The following PPP1R13B variants were observed in gnomAD, a reference collection of about 807,000 sequenced individuals.
PPP1R13B encodes the protein apoptosis-stimulating of p53 protein 1.
In PPP1R13B, 44 loss-of-function variants were observed where a neutral mutation model predicts 119.8. The ratio of observed to expected loss-of-function variants is 0.37; its 90% CI spans 0.29 to 0.47. The LOEUF is 0.47. Among genes scored for constraint, PPP1R13B ranks in the 20% least tolerant of loss-of-function variants. PPP1R13B has a pLI of 0.99. For synonymous variants in PPP1R13B, 542 were observed against 561.5 expected, an observed-to-expected ratio of 0.97 and a Z score of 0.49; for missense variants, 1,227 against 1,413.5, an observed-to-expected ratio of 0.87 and a Z score of 2.12.
chr14:103,734,053 A>ATACTT lies in PPP1R13B; in HGVS notation c.*1096_*1100dup, dbSNP rs1460664885. The ATACTT allele has an allele frequency of 1.9e-5, 3 of 162,008 alleles. No individual in the cohort carries two copies. Among genetic ancestry groups the ATACTT allele is most frequent in the African/African-American group, 7.2e-5 (3 of 41,736 alleles). 10.0% of individuals were successfully genotyped at this position (162,008 alleles called of 1,614,324 possible). A position where few individuals can be genotyped will look rare whatever the true frequency, so the allele number is the denominator to read the frequency against. Reference sequence around the variant, plus strand: ...TAGCTTTGAATGGTCTAGTCAAAAAATACTTTTGGTATATAAAAAGCCTGT... The same window carrying ATACTT: ...TAGCTTTGAATGGTCTAGTCAAAAAATACTTTACTTTTGGTATATAAAAAGCCTGT... On this transcript the variant is annotated 3_prime_UTR_variant, in exon 17 of 17. Transcript: ENST00000202556.
chr14:103,779,713 G>C (rs2085294454), intron 3 of PPP1R13B, among the ~76,000 whole-genome samples: 1 of 152,144 alleles, frequency 6.6e-6, no homozygotes, highest in African/African-American at 2.4e-5. Context: ...CTTGAGCCTA[G>C]GAGGTAGAGA....
chr14:103,745,643 T>C (rs2084367049), intron 9 of PPP1R13B, among the ~76,000 whole-genome samples: 1 of 152,160 alleles, frequency 6.6e-6, no homozygotes, highest in African/African-American at 2.4e-5. Flanking sequence ...ACCAACGATG[T>C]GTGGACTTTG....
At chr14:103,798,204 T>C (rs972443439) in intron 1 of PPP1R13B, among the ~76,000 whole-genome samples, 1 of 144,044 alleles carries the variant, frequency 6.9e-6, no homozygotes, top group Non-Finnish European at 1.5e-5. Flanking sequence ...CAGGCTGGAG[T>C]GCAGTGGCGC....
chr14:103,820,196 C>G (rs1475116814), intron 1 of PPP1R13B, among the ~76,000 whole-genome samples: 3 of 152,138 alleles, frequency 2.0e-5, no homozygotes, highest in African/African-American at 7.2e-5. Context: ...CGGACAACGC[C>G]CCTCCCTTCT....
In PPP1R13B at chr14:103,735,154, T is replaced by C; in HGVS notation, c.3273A>G (p.Ter1091TrpextTer17). 2.5e-6 allele frequency: 4 copies of C among 1,614,114 alleles called. No individual in the cohort carries two copies. Among genetic ancestry groups the C allele is most frequent in the Non-Finnish European group, 3.4e-6 (4 of 1,180,014 alleles). The change falls in exon 17 of 17, where the codon TGA becomes TGG. Residue 1091 changes from the stop codon to tryptophan, a stop_lost. Transcript: ENST00000202556. ...ACCATGCGGTGCTCCAAAAGGAAGT[T>C]CAGGCGAGTGTTCGCTGTCGGGGTT... Reference protein sequence around the residue: ...RIKPRQRTLA* With the variant: ...RIKPRQRTLAW
chr14:103,795,852 T>G (rs2085745688), intron 2 of PPP1R13B, among the ~76,000 whole-genome samples: 2 of 152,226 alleles, frequency 1.3e-5, no homozygotes. Flanking sequence ...CCATGTATCC[T>G]TAAAATTCTT....
At chr14:103,848,239 A>C, upstream of PPP1R13B, 6 of 984,554 alleles carry the variant, frequency 6.1e-6, no homozygotes, top group Non-Finnish European at 6.0e-6. Flanking sequence ...TCCCGCCTAG[A>C]ACCCCGCGCC....
chr14:103,801,479 T>C (rs999849753), intron 1 of PPP1R13B, among the ~76,000 whole-genome samples: 7 of 152,106 alleles, frequency 4.6e-5, no homozygotes, highest in Non-Finnish European at 4.4e-5. Flanking sequence ...CAAGTACCCT[T>C]CCTGTTTGCC....
chr14:103,809,162 T>C (rs559652103), intron 1 of PPP1R13B, among the ~76,000 whole-genome samples: 149 of 152,294 alleles, frequency 9.8e-4, no homozygotes, highest in African/African-American at 3.4e-3. Flanking sequence ...AGCCTAGACA[T>C]ATTTAAATAT....
chr14:103,792,185 T>TGTGTGTGTGTGC (rs2085639038), intron 2 of PPP1R13B, among the ~76,000 whole-genome samples: 1 of 135,644 alleles, frequency 7.4e-6, no homozygotes, highest in South Asian at 2.3e-4. Context: ...TGTGTGTGTG[T>TGTGTGTGTGTGC]GTGTGTGTGT....
chr14:103,772,164 T>C (rs1185581696), intron 4 of PPP1R13B, among the ~76,000 whole-genome samples: 5 of 152,144 alleles, frequency 3.3e-5, no homozygotes, highest in Admixed American at 3.3e-4. Context: ...GTAGCATGTA[T>C]TAGTAGTTCA....
At chr14:103,762,676 C>G (rs1486104264) in intron 4 of PPP1R13B, 1 of 530,936 alleles carries the variant, frequency 1.9e-6, no homozygotes, top group Non-Finnish European at 3.4e-6. Flanking sequence ...GCCTGAAAAA[C>G]GGGAACCAAG....
intron 4 of PPP1R13B, among the ~76,000 whole-genome samples, chr14:103,772,200 C>T (rs932956533): frequency 6.6e-6 from 1 of 152,186 alleles, no homozygotes; most frequent in African/African-American, 2.4e-5. Context: ...CAGGAATATT[C>T]CACTGTGAGG....
intron 8 of PPP1R13B, among the ~76,000 whole-genome samples, chr14:103,748,198 A>T (rs2084441731): frequency 1.3e-5 from 2 of 152,238 alleles, no homozygotes; most frequent in African/African-American, 4.8e-5. Context: ...AAGCACAGGG[A>T]AAGTGCTTGC....
chr14:103,753,219 A>C (rs2084592344), intron 6 of PPP1R13B, 23 bp from the exon 7 acceptor site: 3 of 1,568,958 alleles, frequency 1.9e-6, no homozygotes, highest in Non-Finnish European at 2.6e-6. Context: ...ACACAAGAAA[A>C]GAATAAAAGA....
At chr14:103,786,115 C>T (rs1161339561) in intron 2 of PPP1R13B, among the ~76,000 whole-genome samples, 2 of 152,178 alleles carry the variant, frequency 1.3e-5, no homozygotes, top group African/African-American at 4.8e-5. Flanking sequence ...TCTCAGTTCA[C>T]TGCAACCTCC....
At chr14:103,785,829 T>C (rs2085450072) in intron 2 of PPP1R13B, among the ~76,000 whole-genome samples, 1 of 151,798 alleles carries the variant, frequency 6.6e-6, no homozygotes, top group Non-Finnish European at 1.5e-5. Flanking sequence ...CTCCCATTCT[T>C]GAAAGAAACA....
At chr14:103,795,703 C>T (rs1286004725) in intron 2 of PPP1R13B, among the ~76,000 whole-genome samples, 1 of 152,180 alleles carries the variant, frequency 6.6e-6, no homozygotes, top group Non-Finnish European at 1.5e-5. Context: ...CAGGCTCTAA[C>T]ACTGCTCCCC....
chr14:103,775,278 A>T (rs796434728), intron 4 of PPP1R13B, among the ~76,000 whole-genome samples: 1,580 of 145,878 alleles, frequency 0.011, 15 homozygotes, highest in Non-Finnish European at 0.016. Context: ...TATTATTATT[A>T]TTTTTTTTTT....
Sources: gnomAD v4.1 joint callset for allele counts (sites outside exome capture counted in the v4.1 genomes callset) on GRCh38, gnomAD v4.1.1 for gene constraint, MANE v1.5 for transcripts, NCBI Gene and HGNC (gene_info 2026-07-23, HGNC 2026-07-21) for gene names.